Variants in BCL11B observed in about 807,000 individuals in gnomAD.
BCL11B encodes the protein BCL11 transcription factor B, also known as B-cell lymphoma/leukemia 11B.
In BCL11B, 8 loss-of-function variants were observed where a neutral mutation model predicts 49.9. The ratio of observed to expected loss-of-function variants is 0.16; its 90% CI spans 0.09 to 0.29. BCL11B has a LOEUF of 0.29. Ranked by LOEUF, BCL11B falls within the 10% of genes least tolerant of loss-of-function variation. The probability of loss-of-function intolerance (pLI) is 1.00; values close to 1 mark genes in which losing one functional copy is unlikely to be tolerated. For synonymous variants in BCL11B, 739 were observed against 637.4 expected, an observed-to-expected ratio of 1.16 and a Z score of -2.40; for missense variants, 1,006 against 1,351.0, an observed-to-expected ratio of 0.74 and a Z score of 4.00.
intron 2 of BCL11B, among the ~76,000 whole-genome samples, chr14:99,251,836 G>A (rs28576256): frequency 0.12 from 18,767 of 152,176 alleles, 1,204 homozygotes; most frequent in South Asian, 0.17. Flanking sequence ...CAGACAGACA[G>A]AGTTAGAATA....
In BCL11B at chr14:99,169,735, C is replaced by T; in HGVS notation, c.*4416G>A. 1 of 223,692 alleles carries T rather than the reference C, an allele frequency of 4.5e-6. No individual in the cohort carries two copies. Among genetic ancestry groups the T allele is most frequent in the Admixed American group, 5.7e-5 (1 of 17,488 alleles). 13.9% of individuals were successfully genotyped at this position (223,692 alleles called of 1,614,324 possible). A position where few individuals can be genotyped will look rare whatever the true frequency, so the allele number is the denominator to read the frequency against. On this transcript the variant is annotated 3_prime_UTR_variant, in exon 4 of 4. Transcript: ENST00000357195. ...GCTGAGTTACAAGGAGCACCAAAAT[C>T]ACGGGTTTGCCTGTGTTCCACGAGA...
intron 3 of BCL11B, among the ~76,000 whole-genome samples, chr14:99,200,434 T>TCACAGG (rs910273323): frequency 5.5e-4 from 84 of 152,186 alleles, no homozygotes; most frequent in Admixed American, 1.3e-3. Flanking sequence ...GTGCCCCAGA[T>TCACAGG]CACAGGCACA....
chr14:99,223,774 C>G (rs1321944612), intron 3 of BCL11B, among the ~76,000 whole-genome samples: 5 of 152,348 alleles, frequency 3.3e-5, no homozygotes, highest in African/African-American at 1.2e-4. Context: ...AGGTAAAAAT[C>G]CTCACAGAAG....
At position 99,257,943 on chromosome 14, in the gene BCL11B, C is replaced by A. The variant is rs1889221860; in HGVS notation, c.59-104G>T. 14 of 1,340,880 alleles carry A rather than the reference C, an allele frequency of 1.0e-5. No individual in the cohort carries two copies. The highest frequency in any genetic ancestry group is 1.9e-5 in the South Asian group (1 of 52,656). 83.1% of individuals were successfully genotyped at this position (1,340,880 alleles called of 1,614,324 possible). ...CCACCCCTTCCCCGCCAAGAAGCAG[C>A]CCCCTCTGCTGCTGGCTGCCAGAGC... is the stretch of plus-strand genomic sequence containing the variant. On this transcript the variant is annotated intron_variant, in intron 1 of 3. Transcript: ENST00000357195. The surrounding 1 kb of genome is among the most constrained non-coding windows in gnomAD (Gnocchi z 6.2).
chr14:99,217,385 GACAC>G lies in BCL11B; in HGVS notation c.640+13956_640+13959del, dbSNP rs112404818. On this transcript the variant is annotated intron_variant, in intron 3 of 3. Transcript: ENST00000357195. ...GAGTACAAATATACACACACATACAGACACACACACACACACACACACACACACA... is the reference window on the plus strand; with the variant it reads ...GAGTACAAATATACACACACATACAGACACACACACACACACACACACACA... Among the ~76,000 whole-genome samples the G allele has an allele frequency of 6.1e-3, 800 of 131,120 alleles. 4 individuals are homozygous for G. Among genetic ancestry groups the G allele is most frequent in the Admixed American group, 8.3e-3 (109 of 13,088 alleles). The allele number at this position is 131,120 out of a possible 152,430, so 86.0% of individuals were successfully genotyped here.
At chr14:99,196,691 G>A (rs1192761431) in intron 3 of BCL11B, among the ~76,000 whole-genome samples, 1 of 152,212 alleles carries the variant, frequency 6.6e-6, no homozygotes, top group Non-Finnish European at 1.5e-5. Flanking sequence ...ATAGATGTTT[G>A]TCCACCATCA....
chr14:99,264,697 C>G (rs1047917083), intron 1 of BCL11B: 2 of 152,130 alleles, frequency 1.3e-5, no homozygotes, highest in African/African-American at 2.4e-5. Context: ...ACCAACATCC[C>G]GTGAATGTGG....
chr14:99,226,130 G>A (rs1000805764), intron 3 of BCL11B, among the ~76,000 whole-genome samples: 1 of 152,236 alleles, frequency 6.6e-6, no homozygotes. Flanking sequence ...GCCCTTGGGC[G>A]ATGTAGACAT....
intron 3 of BCL11B, among the ~76,000 whole-genome samples, chr14:99,200,606 G>A (rs1262266224): frequency 1.3e-5 from 2 of 152,236 alleles, no homozygotes; most frequent in Non-Finnish European, 2.9e-5. Context: ...GCGAGGCGGG[G>A]CATCTCTCTT....
At chr14:99,207,002 G>C (rs552158614) in intron 3 of BCL11B, among the ~76,000 whole-genome samples, 1 of 152,320 alleles carries the variant, frequency 6.6e-6, no homozygotes, top group South Asian at 2.1e-4. Flanking sequence ...CTCCAAGCTT[G>C]CAGTTGATCC....
At position 99,195,633 on chromosome 14, in the gene BCL11B, A is replaced by G. The variant is rs1219056568; in HGVS notation, c.641-19438T>C. Among the ~76,000 whole-genome samples the G allele has an allele frequency of 6.6e-6, 1 of 152,160 alleles. No homozygotes were observed. Among genetic ancestry groups the G allele is most frequent in the Non-Finnish European group, 1.5e-5 (1 of 68,026 alleles). On this transcript the variant is annotated intron_variant, in intron 3 of 3. Coordinates refer to ENST00000357195, the MANE Select transcript of BCL11B (RefSeq NM_138576.4). This position sits in a 1 kb window ranked among gnomAD's most constrained non-coding sequence, Gnocchi z 4.7. ...GAGGTAAAGCAACCCACCCGAGGAT[A>G]CACAGCTTACATCCATCCCAGGGCC...
chr14:99,187,062 C>T (rs1400754603), intron 3 of BCL11B, among the ~76,000 whole-genome samples: 1 of 152,212 alleles, frequency 6.6e-6, no homozygotes, highest in Non-Finnish European at 1.5e-5. Flanking sequence ...AGTATTAAAA[C>T]TGAACTATGG....
At chr14:99,266,185 G>T (rs929688803) in intron 1 of BCL11B, among the ~76,000 whole-genome samples, 3 of 152,114 alleles carry the variant, frequency 2.0e-5, no homozygotes, top group Non-Finnish European at 4.4e-5. Flanking sequence ...AGTTCAGTGG[G>T]AACATTACCT....
intron 3 of BCL11B, among the ~76,000 whole-genome samples, chr14:99,220,073 C>G (rs1463055664): frequency 6.6e-6 from 1 of 152,096 alleles, no homozygotes; most frequent in Non-Finnish European, 1.5e-5. Flanking sequence ...TCCAACAGTC[C>G]AAAAAACACT....
At chr14:99,265,979 A>G (rs180764350) in intron 1 of BCL11B, among the ~76,000 whole-genome samples, 150 of 152,336 alleles carry the variant, frequency 9.8e-4, no homozygotes, top group Non-Finnish European at 1.8e-4. Flanking sequence ...GATCAAAAGC[A>G]CATATATTCC....
chr14:99,209,555 G>A (rs1324184547), intron 3 of BCL11B, among the ~76,000 whole-genome samples: 11 of 152,170 alleles, frequency 7.2e-5, no homozygotes, highest in Admixed American at 5.9e-4. Context: ...CGCCCAGCAC[G>A]ACCTCAGCAA....
intron 1 of BCL11B, among the ~76,000 whole-genome samples, 166 bp downstream of exon 1, chr14:99,270,995 A>G (rs1039531597): frequency 4.0e-5 from 6 of 149,880 alleles, no homozygotes; most frequent in Non-Finnish European, 8.9e-5. Context: ...AAACTTTCCT[A>G]TGGCCCCCGC....
intron 3 of BCL11B, among the ~76,000 whole-genome samples, chr14:99,199,135 G>A (rs1001518768): frequency 3.3e-5 from 5 of 152,118 alleles, no homozygotes; most frequent in Non-Finnish European, 4.4e-5. Context: ...CGAATTATTC[G>A]CTTTTCCTCC....
intron 3 of BCL11B, among the ~76,000 whole-genome samples, chr14:99,214,722 T>A (rs546118696): frequency 2.0e-5 from 3 of 152,188 alleles, no homozygotes; most frequent in Non-Finnish European, 2.9e-5. Flanking sequence ...TGCAGCCTTC[T>A]TGGGAGCATG....
Sources: allele counts gnomAD v4.1 joint callset (sites outside exome capture counted in the v4.1 genomes callset), GRCh38; gene constraint gnomAD v4.1.1; non-coding constraint Gnocchi (gnomAD v3.1); transcripts MANE v1.5; gene names NCBI Gene and HGNC (gene_info 2026-07-23, HGNC 2026-07-21).